FNIP1: variants seen among roughly 807,000 people sequenced by gnomAD.
FNIP1 encodes the protein folliculin interacting protein 1, also known as folliculin-interacting protein 1.
Under a neutral mutation model 124.5 loss-of-function variants are expected in FNIP1, and 40 were observed. That is an observed-to-expected ratio of 0.32 (90% CI 0.25 to 0.42). The LOEUF (loss-of-function observed/expected upper bound fraction) is 0.42. Among genes scored for constraint, FNIP1 ranks in the 10% least tolerant of loss-of-function variants. The probability of loss-of-function intolerance (pLI) is 1.00; values close to 1 mark genes in which losing one functional copy is unlikely to be tolerated. For synonymous variants in FNIP1, 472 were observed against 470.6 expected (o/e 1.00, Z -0.04); for missense variants, 1,176 against 1,403.7 (o/e 0.84, Z 2.59).
chr5:131,658,628 A>C (rs1289046657), intron 15 of FNIP1, among the ~76,000 whole-genome samples: 1 of 152,086 alleles, frequency 6.6e-6, no homozygotes. Flanking sequence ...AAGATTAAAA[A>C]ATTTTGCATT....
intron 11 of FNIP1, among the ~76,000 whole-genome samples, chr5:131,679,957 A>C (rs2149518763): frequency 6.6e-6 from 1 of 152,384 alleles, no homozygotes; most frequent in South Asian, 2.1e-4. Context: ...CTGAGGCTTA[A>C]GAAACTAGTC....
chr5:131,738,058 GT>G (rs1770374718), intron 2 of FNIP1, among the ~76,000 whole-genome samples: 1 of 151,980 alleles, frequency 6.6e-6, no homozygotes. Context: ...CTCAGTATAG[GT>G]TTTTTTGCTT....
intron 1 of FNIP1, among the ~76,000 whole-genome samples, chr5:131,792,352 G>A (rs1012570376): frequency 5.9e-5 from 9 of 151,940 alleles, no homozygotes; most frequent in African/African-American, 1.5e-4. Context: ...GTAGAGATGG[G>A]GTTTCACCAC....
At chr5:131,677,469 G>A (rs1363779353) in intron 13 of FNIP1, 4 of 408,748 alleles carry the variant, frequency 9.8e-6, no homozygotes, top group Non-Finnish European at 1.8e-5. Flanking sequence ...ACTAGTAAAC[G>A]AGCTATCAGC....
chr5:131,642,509 A>G lies in FNIP1; in HGVS notation c.*2176T>C, dbSNP rs1162898470. 1 of 152,174 alleles carries G rather than the reference A, an allele frequency of 6.6e-6. No individual in the cohort carries two copies. The highest frequency in any genetic ancestry group is 2.4e-5 in the African/African-American group (1 of 41,416). The allele number at this position is 152,174 out of a possible 1,614,324, so 9.4% of individuals were successfully genotyped here. ...GGTAATTAAACATTTTAAATAAAGA[A>G]CAGTTTGATGGTTAAGGAGACACCC... On this transcript the variant is annotated 3_prime_UTR_variant, in exon 18 of 18. Coordinates refer to ENST00000510461, the MANE Select transcript of FNIP1 (RefSeq NM_133372.3).
chr5:131,706,838 G>A (rs1392123927), intron 8 of FNIP1, among the ~76,000 whole-genome samples: 1 of 152,098 alleles, frequency 6.6e-6, no homozygotes, highest in African/African-American at 2.4e-5. Context: ...TTTGGCCACT[G>A]GATTGACTGT....
intron 15 of FNIP1, among the ~76,000 whole-genome samples, chr5:131,668,883 T>G (rs12108829): frequency 0.027 from 4,040 of 152,256 alleles, 190 homozygotes; most frequent in African/African-American, 0.092. Flanking sequence ...GTCCATAGCT[T>G]GCTAATCCTT....
At chr5:131,708,288 A>G (rs1320518967) in intron 8 of FNIP1, among the ~76,000 whole-genome samples, 1 of 152,212 alleles carries the variant, frequency 6.6e-6, no homozygotes, top group African/African-American at 2.4e-5. Flanking sequence ...TTTTTCATTT[A>G]TACTCAAAAC....
rs1472438344 is a variant in FNIP1, at chr5:131,670,557, C to T, written c.3014G>A (p.Cys1005Tyr). 1 of 1,613,812 alleles carries T rather than the reference C, an allele frequency of 6.2e-7. No homozygotes were observed. The highest frequency in any genetic ancestry group is 8.5e-7 in the Non-Finnish European group (1 of 1,179,904). ...NFGRSLLGGY[C>Y]SSYVPDFVLQ... ...AACAAAGTCAGGCACATAAGATGAGCAGTAGCCACCCAGCAAGGACCTCCC... is the reference window on the plus strand; with the variant it reads ...AACAAAGTCAGGCACATAAGATGAGTAGTAGCCACCCAGCAAGGACCTCCC... The change falls in exon 15 of 18, where the codon TGC becomes TAC. Residue 1005 changes from cysteine to tyrosine, a missense_variant. Physicochemically the swap from Cys to Tyr is radical, Grantham distance 194. Transcript: ENST00000510461.
intron 15 of FNIP1, among the ~76,000 whole-genome samples, chr5:131,667,990 T>G (rs1013899510): frequency 6.6e-6 from 1 of 152,116 alleles, no homozygotes; most frequent in African/African-American, 2.4e-5. Context: ...AAATAGAAAA[T>G]TCAACCAAAC....
intron 1 of FNIP1, among the ~76,000 whole-genome samples, chr5:131,777,958 G>A (rs1771866424): frequency 6.6e-6 from 1 of 152,174 alleles, no homozygotes; most frequent in South Asian, 2.1e-4. Flanking sequence ...AAAACCATGA[G>A]GTGAATGGTT....
chr5:131,682,482 G>T (rs761545492), intron 11 of FNIP1, among the ~76,000 whole-genome samples: 9 of 152,096 alleles, frequency 5.9e-5, no homozygotes, highest in Non-Finnish European at 1.3e-4. Context: ...ACTTTGGGAG[G>T]TCTAGGTGGG....
At chr5:131,722,187 C>T (rs1331769111) in intron 3 of FNIP1, among the ~76,000 whole-genome samples, 1 of 152,186 alleles carries the variant, frequency 6.6e-6, no homozygotes, top group Non-Finnish European at 1.5e-5. Flanking sequence ...GAAGTCACTA[C>T]AGATGGAGAT....
chr5:131,653,309 G>A (rs28684438), intron 15 of FNIP1, among the ~76,000 whole-genome samples: 9,702 of 152,130 alleles, frequency 0.064, 603 homozygotes, highest in African/African-American at 0.16. Flanking sequence ...AGGCCAAGGT[G>A]GACCGATCAC....
At chr5:131,787,544 CTAGAACT>C (rs1561709309) in intron 1 of FNIP1, among the ~76,000 whole-genome samples, 1 of 152,190 alleles carries the variant, frequency 6.6e-6, no homozygotes, top group African/African-American at 2.4e-5. Context: ...AACAAAGGCT[CTAGAACT>C]TAAACATCTA....
At chr5:131,661,160 C>T (rs1181833341) in intron 15 of FNIP1, among the ~76,000 whole-genome samples, 1 of 151,674 alleles carries the variant, frequency 6.6e-6, no homozygotes, top group Non-Finnish European at 1.5e-5. Context: ...GAAGCATACT[C>T]TTAGAATTCT....
intron 3 of FNIP1, among the ~76,000 whole-genome samples, chr5:131,730,003 A>G (rs1053673289): frequency 3.3e-5 from 5 of 151,708 alleles, no homozygotes; most frequent in Non-Finnish European, 5.9e-5. Context: ...AGCCTCCCAA[A>G]ATGCTGGGAT....
intron 15 of FNIP1, among the ~76,000 whole-genome samples, chr5:131,654,752 T>C (rs1411665130): frequency 1.3e-5 from 2 of 152,080 alleles, no homozygotes; most frequent in African/African-American, 2.4e-5. Context: ...GAGAAGAACA[T>C]GGATAATTCG....
intron 15 of FNIP1, among the ~76,000 whole-genome samples, chr5:131,653,231 T>C (rs559327476): frequency 6.6e-6 from 1 of 151,856 alleles, no homozygotes; most frequent in Non-Finnish European, 1.5e-5. Context: ...CAAGACACAT[T>C]GTTAAGTGAA....
Sources: gnomAD v4.1 joint callset for allele counts (sites outside exome capture counted in the v4.1 genomes callset) on GRCh38, gnomAD v4.1.1 for gene constraint, MANE v1.5 for transcripts, NCBI Gene and HGNC (gene_info 2026-07-23, HGNC 2026-07-21) for gene names.